The following CBL variants were observed in gnomAD, a reference collection of about 807,000 sequenced individuals.
CBL encodes the protein Cbl proto-oncogene.
Under a neutral mutation model 96.9 loss-of-function variants are expected in CBL, and 45 were observed. The ratio of observed to expected loss-of-function variants is 0.46; its 90% CI spans 0.37 to 0.60. CBL has a LOEUF of 0.60. CBL is among the 20% of genes least tolerant of loss of function. CBL has a pLI of 0.00. For missense variants in CBL, 1,024 were observed against 1,143.5 expected, an observed-to-expected ratio of 0.90 and a Z score of 1.51; for synonymous variants, 420 against 426.8, an observed-to-expected ratio of 0.98 and a Z score of 0.20.
At chr11:119,260,707 CTT>C in intron 2 of CBL, among the ~76,000 whole-genome samples, 1 of 152,190 alleles carries the variant, frequency 6.6e-6, no homozygotes, top group South Asian at 2.1e-4. Context: ...TCAAATCTGT[CTT>C]TATTTTACTG....
chr11:119,274,585 G>A (rs1195309137), intron 4 of CBL, among the ~76,000 whole-genome samples: 1 of 152,138 alleles, frequency 6.6e-6, no homozygotes, highest in Non-Finnish European at 1.5e-5. Context: ...GTTAATTAGA[G>A]CTGCTTTACA....
chr11:119,229,812 C>T (rs1484253713), intron 1 of CBL, among the ~76,000 whole-genome samples: 1 of 151,678 alleles, frequency 6.6e-6, no homozygotes, highest in Non-Finnish European at 1.5e-5. Flanking sequence ...ACTGCAACTT[C>T]CACCTCCTGG....
intron 9 of CBL, among the ~76,000 whole-genome samples, chr11:119,283,839 G>A (rs1949959010): frequency 1.3e-5 from 2 of 151,140 alleles, no homozygotes; most frequent in Non-Finnish European, 3.0e-5. Flanking sequence ...GGGTTTCACC[G>A]TGTTAGCCAA....
rs11604299 is a variant in CBL, at chr11:119,208,610, C to T, written c.195+1998C>T. On this transcript the variant is annotated intron_variant, in intron 1 of 15. Transcript: ENST00000264033. The stretch of plus-strand genomic sequence containing the variant: ...TTCATCATGTTGACCAGGCTCGTCT[C>T]GAACTCCTGACCTCAGGTGATCCAT... 6.3e-3 allele frequency among the ~76,000 whole-genome samples: 965 copies of T among 152,146 alleles called. 11 individuals carry two copies. Among genetic ancestry groups the T allele is most frequent in the African/African-American group, 0.022 (915 of 41,496 alleles).
At chr11:119,222,153 G>A (rs1482495245) in intron 1 of CBL, among the ~76,000 whole-genome samples, 1 of 121,694 alleles carries the variant, frequency 8.2e-6, no homozygotes, top group African/African-American at 3.2e-5. Context: ...GTATCAATAA[G>A]TTGGAGTCTT....
intron 2 of CBL, among the ~76,000 whole-genome samples, chr11:119,250,452 C>A (rs1949662501): frequency 6.6e-6 from 1 of 152,144 alleles, no homozygotes; most frequent in South Asian, 2.1e-4. Flanking sequence ...TTGTATTTTG[C>A]ACTGTGAACT....
chr11:119,260,087 A>G (rs890199476), intron 2 of CBL, among the ~76,000 whole-genome samples: 1 of 152,132 alleles, frequency 6.6e-6, no homozygotes, highest in Non-Finnish European at 1.5e-5. Flanking sequence ...ATCTTCCCAC[A>G]CTCAAAATAC....
chr11:119,241,318 C>T (rs559192823), intron 2 of CBL, among the ~76,000 whole-genome samples: 3 of 152,110 alleles, frequency 2.0e-5, no homozygotes, highest in African/African-American at 2.4e-5. Flanking sequence ...CAGTAGAAGC[C>T]GAATGGGATT....
At position 119,306,601 on chromosome 11, in the gene CBL, G is replaced by A. The variant is rs35129864; in HGVS notation, c.*6820G>A. 5.3e-6 allele frequency: 2 copies of A among 378,814 alleles called. No homozygotes were observed. The highest frequency in any genetic ancestry group is 6.6e-4 in the Middle Eastern group (1 of 1,510). 23.5% of individuals were successfully genotyped at this position (378,814 alleles called of 1,614,324 possible). On this transcript the variant is annotated 3_prime_UTR_variant, in exon 16 of 16. Coordinates refer to ENST00000264033, the MANE Select transcript of CBL (RefSeq NM_005188.4). ...ACCTCTGACCTTCTTGTGGGTGAGG[G>A]TGGCCATGCTTATGGCCATCTTAAA...
intron 2 of CBL, among the ~76,000 whole-genome samples, chr11:119,244,060 T>C (rs1331015329): frequency 1.3e-5 from 2 of 152,164 alleles, no homozygotes; most frequent in Non-Finnish European, 2.9e-5. Context: ...AAAAAAAATG[T>C]GGTAACTTCT....
chr11:119,264,192 T>TA (rs1222113455), intron 2 of CBL, among the ~76,000 whole-genome samples: 1 of 152,212 alleles, frequency 6.6e-6, no homozygotes, highest in Middle Eastern at 3.2e-3. Flanking sequence ...AAAATACACT[T>TA]ACCTGTAAAT....
chr11:119,287,134 G>A (rs1949990235), intron 11 of CBL, among the ~76,000 whole-genome samples: 1 of 152,216 alleles, frequency 6.6e-6, no homozygotes, highest in African/African-American at 2.4e-5. Flanking sequence ...ATGAGCAAGA[G>A]AGAGAATCAT....
chr11:119,254,764 G>A (rs1217256671), intron 2 of CBL, among the ~76,000 whole-genome samples: 1 of 152,064 alleles, frequency 6.6e-6, no homozygotes, highest in African/African-American at 2.4e-5. Context: ...ACCACGCCCA[G>A]CTAATTTTTG....
intron 12 of CBL, among the ~76,000 whole-genome samples, chr11:119,290,877 C>T (rs184214211): frequency 1.1e-3 from 160 of 151,768 alleles, no homozygotes; most frequent in East Asian, 5.3e-3. Flanking sequence ...AGGGTTTCAC[C>T]ATGTTGGCCA....
intron 1 of CBL, among the ~76,000 whole-genome samples, chr11:119,225,926 A>G (rs1447127382): frequency 6.6e-6 from 1 of 151,814 alleles, no homozygotes; most frequent in Non-Finnish European, 1.5e-5. Flanking sequence ...ACGGGGTTTC[A>G]CCATGTCGGC....
chr11:119,261,464 A>G (rs901650704), intron 2 of CBL, among the ~76,000 whole-genome samples: 15 of 152,316 alleles, frequency 9.8e-5, no homozygotes, highest in Non-Finnish European at 1.3e-4. Context: ...ATTAGATTCT[A>G]TTAGTGCTGT....
intron 5 of CBL, among the ~76,000 whole-genome samples, chr11:119,275,522 T>A (rs1237385837): frequency 6.6e-6 from 1 of 152,206 alleles, no homozygotes; most frequent in Non-Finnish European, 1.5e-5. Flanking sequence ...ACTCTCTTTT[T>A]AAAAATATTT....
At position 119,232,637 on chromosome 11, in the gene CBL, A is replaced by G. The variant is rs770209522; in HGVS notation, c.385A>G (p.Thr129Ala). The change falls in exon 2 of 16, where the codon ACC becomes GCC. Residue 129 changes from threonine to alanine, a missense_variant. This residue lies in a region of CBL where 192 missense variants were observed against 321.8 expected (regional missense o/e 0.60). Coordinates refer to ENST00000264033, the MANE Select transcript of CBL (RefSeq NM_005188.4). ...GAATTTGATGAAGAAAACTAAGCAA[A>G]CCATAAGCCTCTTCAAGGAGGGAAA... Reference protein sequence around the residue: ...MENLMKKTKQTISLFKEGKER... With the variant: ...MENLMKKTKQAISLFKEGKER... 6.2e-7 allele frequency: 1 copy of G among 1,613,916 alleles called. No homozygotes were observed. Among genetic ancestry groups the G allele is most frequent in the Admixed American group, 1.7e-5 (1 of 60,028 alleles).
chr11:119,271,226 A>G (rs1382883310), intron 2 of CBL, among the ~76,000 whole-genome samples: 1 of 152,240 alleles, frequency 6.6e-6, no homozygotes, highest in African/African-American at 2.4e-5. Context: ...TGATAGAGTG[A>G]TTATAGCAGT....
Sources: allele counts gnomAD v4.1 joint callset (sites outside exome capture counted in the v4.1 genomes callset), GRCh38; gene constraint gnomAD v4.1.1; regional missense constraint gnomAD v4.1.1; transcripts MANE v1.5; gene names NCBI Gene and HGNC (gene_info 2026-07-23, HGNC 2026-07-21).